ATG4B: variants seen among roughly 807,000 people sequenced by gnomAD.
The protein encoded by ATG4B is cysteine protease ATG4B.
A neutral mutation model predicts 56.6 loss-of-function variants in ATG4B; 29 were observed. The ratio of observed to expected loss-of-function variants is 0.51; its 90% CI spans 0.38 to 0.70. ATG4B has a LOEUF of 0.70. Ranked by LOEUF, ATG4B falls within the 30% of genes least tolerant of loss-of-function variation. ATG4B has a pLI of 0.00. For synonymous variants in ATG4B, 224 were observed against 206.1 expected, an observed-to-expected ratio of 1.09 and a Z score of -0.74; for missense variants, 461 against 515.5, an observed-to-expected ratio of 0.89 and a Z score of 1.02.
intron 4 of ATG4B, among the ~76,000 whole-genome samples, chr2:241,654,186 G>A (rs1313945160): frequency 1.3e-5 from 2 of 152,060 alleles, no homozygotes; most frequent in African/African-American, 2.4e-5. Flanking sequence ...ACTTTGGGAT[G>A]CCGAGGCGGG....
In ATG4B at chr2:241,672,369, GC is replaced by G; in HGVS notation, c.*107del. ...CCTGCCGAGGGCTGCGCCCCGTGCT[GC>G]CTCCCCCCAGAGGGCCACCCGCTGT... On this transcript the variant is annotated 3_prime_UTR_variant, in exon 13 of 13. Coordinates refer to ENST00000404914, the MANE Select transcript of ATG4B (RefSeq NM_013325.5). The G allele has an allele frequency of 2.7e-6, 3 of 1,101,188 alleles. No homozygotes were observed. Among genetic ancestry groups the G allele is most frequent in the Middle Eastern group, 5.5e-4 (2 of 3,620 alleles). 68.2% of individuals were successfully genotyped at this position (1,101,188 alleles called of 1,614,324 possible). A position where few individuals can be genotyped will look rare whatever the true frequency, so the allele number is the denominator to read the frequency against.
In ATG4B at chr2:241,654,418, TTAAAA is replaced by T; in HGVS notation, c.284-127_284-123del. 1.5e-5 allele frequency: 9 copies of T among 619,932 alleles called. No homozygotes were observed. In the Admixed American group the frequency reaches 2.4e-4, roughly 16 times the overall value. 38.4% of individuals were successfully genotyped at this position (619,932 alleles called of 1,614,324 possible). A position where few individuals can be genotyped will look rare whatever the true frequency, so the allele number is the denominator to read the frequency against. On this transcript the variant is annotated intron_variant, in intron 4 of 12. Transcript: ENST00000404914. ...CCTGGGTGAGAGAGCGAGACTCTGT[TTAAAA>T]AAAAAAAAAAAAAAAAAAAGATTCT...
At chr2:241,667,213 G>A (rs2068806195) in intron 8 of ATG4B, among the ~76,000 whole-genome samples, 1 of 152,140 alleles carries the variant, frequency 6.6e-6, no homozygotes, top group Non-Finnish European at 1.5e-5. Flanking sequence ...AGGTCCCTTC[G>A]GAGGGTGGGT....
Position 241,671,868 on chromosome 2 carries a change from G to A in ATG4B, c.1109-323G>A, listed in dbSNP as rs1281996695. On this transcript the variant is annotated intron_variant, in intron 12 of 12. Coordinates refer to ENST00000404914, the MANE Select transcript of ATG4B (RefSeq NM_013325.5). ...GCGTCCTCCTCATCTCTGTCTCCCTGTGGGAAACTCTACAAACAAGGCAAT... is the reference window on the plus strand; with the variant it reads ...GCGTCCTCCTCATCTCTGTCTCCCTATGGGAAACTCTACAAACAAGGCAAT... 4 of 1,300,252 alleles carry A rather than the reference G, an allele frequency of 3.1e-6. No homozygotes were observed. In the African/African-American group the frequency reaches 6.0e-5, roughly 19 times the overall value. 80.5% of individuals were successfully genotyped at this position (1,300,252 alleles called of 1,614,324 possible). A position where few individuals can be genotyped will look rare whatever the true frequency, so the allele number is the denominator to read the frequency against.
At chr2:241,662,588 C>T (rs992253216) in intron 7 of ATG4B, among the ~76,000 whole-genome samples, 5 of 152,182 alleles carry the variant, frequency 3.3e-5, no homozygotes, top group African/African-American at 7.2e-5. Flanking sequence ...CAGAAGCAAC[C>T]GGCCCAGCTA....
chr2:241,638,818 G>A (rs1363889841), intron 1 of ATG4B, among the ~76,000 whole-genome samples: 1 of 152,214 alleles, frequency 6.6e-6, no homozygotes, highest in Non-Finnish European at 1.5e-5. Flanking sequence ...TGTGAAGTTT[G>A]TCTTTTAGAA....
chr2:241,664,990 C>A (rs2068717669), intron 7 of ATG4B, among the ~76,000 whole-genome samples: 1 of 152,002 alleles, frequency 6.6e-6, no homozygotes, highest in Non-Finnish European at 1.5e-5. Flanking sequence ...CACAGTGGCC[C>A]ACACCTGTTG....
At chr2:241,649,910 A>G (rs1418635713) in intron 1 of ATG4B, among the ~76,000 whole-genome samples, 1 of 148,812 alleles carries the variant, frequency 6.7e-6, no homozygotes, top group Non-Finnish European at 1.5e-5. Context: ...CAGTCTCCCT[A>G]GTAGCTGGGA....
intron 1 of ATG4B, among the ~76,000 whole-genome samples, chr2:241,641,430 A>G (rs1331010792): frequency 6.6e-6 from 1 of 151,932 alleles, no homozygotes; most frequent in Non-Finnish European, 1.5e-5. Context: ...GGCGCCTGTG[A>G]TCCCAGCTAC....
chr2:241,651,319 A>G lies in ATG4B; in HGVS notation c.168A>G (p.Lys56=). 2.5e-6 allele frequency: 4 copies of G among 1,599,936 alleles called. No individual in the cohort carries two copies. Among genetic ancestry groups the G allele is most frequent in the Non-Finnish European group, 3.4e-6 (4 of 1,172,648 alleles). Residue 56 remains lysine, a synonymous_variant, in exon 3 of 13, where the codon AAA becomes AAG. Coordinates refer to ENST00000404914, the MANE Select transcript of ATG4B (RefSeq NM_013325.5). The surrounding 1 kb of genome is among the most constrained non-coding windows in gnomAD (Gnocchi z 4.1). ...CTAGACTTTGGTTTACATACAGGAA[A>G]AACTTTCCAGCCATTGGTAAGTACT... is the stretch of plus-strand genomic sequence containing the variant. ...VASRLWFTYR[K]NFPAIGGTGP... is the part of the protein sequence containing the mutation.
intron 1 of ATG4B, among the ~76,000 whole-genome samples, chr2:241,644,239 A>C (rs2067996351): frequency 6.6e-6 from 1 of 152,126 alleles, no homozygotes; most frequent in Non-Finnish European, 1.5e-5. Context: ...GCTACTCAGG[A>C]GGCTGAGGTG....
rs1005140906 is a variant in ATG4B at position 241,651,474 on chromosome 2, G to A, written c.184+139G>A. On this transcript the variant is annotated intron_variant, in intron 3 of 12. Coordinates refer to ENST00000404914, the MANE Select transcript of ATG4B (RefSeq NM_013325.5). The surrounding 1 kb of genome is among the most constrained non-coding windows in gnomAD (Gnocchi z 4.1). ...GCAATCCTGCTTAACTGAATTGGCC[G>A]AGGCCTCACGTGTAGTAGTGGCAAA... The A allele has an allele frequency of 4.1e-5, 30 of 730,394 alleles. No homozygotes were observed. The highest frequency in any genetic ancestry group is 4.1e-4 in the African/African-American group (23 of 56,280). 45.2% of individuals were successfully genotyped at this position (730,394 alleles called of 1,614,324 possible). A position where few individuals can be genotyped will look rare whatever the true frequency, so the allele number is the denominator to read the frequency against.
At chr2:241,663,811 A>AT (rs544195724) in intron 7 of ATG4B, among the ~76,000 whole-genome samples, 33,323 of 140,106 alleles carry the variant, frequency 0.24, 3,829 homozygotes, top group Middle Eastern at 0.3. Flanking sequence ...CCAGACGTCT[A>AT]TTTTTTTTTT....
intron 1 of ATG4B, among the ~76,000 whole-genome samples, chr2:241,639,497 T>G (rs2067818471): frequency 6.6e-6 from 1 of 152,232 alleles, no homozygotes; most frequent in Non-Finnish European, 1.5e-5. Flanking sequence ...GGCCACAGTG[T>G]TACAGCCTTC....
intron 1 of ATG4B, among the ~76,000 whole-genome samples, chr2:241,650,108 G>T (rs1054418043): frequency 1.3e-5 from 2 of 152,134 alleles, no homozygotes; most frequent in Non-Finnish European, 2.9e-5. Flanking sequence ...AAGTAAAACA[G>T]AGTAAGATGG....
In ATG4B at chr2:241,654,825, C is replaced by T. The variant is rs555287600; in HGVS notation, c.385+178C>T. On this transcript the variant is annotated intron_variant, in intron 5 of 12. Transcript: ENST00000404914. The stretch of plus-strand genomic sequence containing the variant: ...GTCACATCACCCCCGTGTCATCCCA[C>T]ATCACCCCCGTCCCACCCAGGCCCA... 8.1e-6 allele frequency: 5 copies of T among 615,092 alleles called. No individual in the cohort carries two copies. In the Admixed American group the frequency reaches 1.2e-4, roughly 15 times the overall value. The allele number at this position is 615,092 out of a possible 1,614,324, so 38.1% of individuals were successfully genotyped here.
chr2:241,649,943 C>T (rs2125121628), intron 1 of ATG4B, among the ~76,000 whole-genome samples: 1 of 152,216 alleles, frequency 6.6e-6, no homozygotes, highest in Middle Eastern at 3.4e-3. Context: ...GCCACCACGC[C>T]TGGCTAATTG....
intron 5 of ATG4B, chr2:241,654,922 TTGGCCTC>T: frequency 3.5e-6 from 2 of 569,428 alleles, no homozygotes; most frequent in East Asian, 2.9e-5. Flanking sequence ...TCTGGGGAAA[TTGGCCTC>T]GCCCCATCAG....
rs2068579064 is a variant in ATG4B at position 241,661,103 on chromosome 2, T to C, written c.538+1916T>C. Among the ~76,000 whole-genome samples, 3 of 151,732 alleles carry C rather than the reference T, an allele frequency of 2.0e-5. 1 individual carries two copies. The East Asian group carries it at 5.8e-4, about 29-fold the overall frequency. The stretch of plus-strand genomic sequence containing the variant: ...GAAACGTGGCTTGTCAGAGTGAGAG[T>C]GGAGTCAGGTCCTGGAAGAGCTTGA... On this transcript the variant is annotated intron_variant, in intron 7 of 12. Transcript: ENST00000404914.
Sources: allele counts gnomAD v4.1 joint callset (sites outside exome capture counted in the v4.1 genomes callset), GRCh38; gene constraint gnomAD v4.1.1; non-coding constraint Gnocchi (gnomAD v3.1); transcripts MANE v1.5; gene names NCBI Gene and HGNC (gene_info 2026-07-23, HGNC 2026-07-21).